Variants in GRM7 observed in about 807,000 individuals in gnomAD.
GRM7 encodes glutamate metabotropic receptor 7, also known as metabotropic glutamate receptor 7.
A neutral mutation model predicts 84.5 loss-of-function variants in GRM7; 35 were observed. That is an observed-to-expected ratio of 0.41 (90% CI 0.32 to 0.55). The LOEUF (loss-of-function observed/expected upper bound fraction) is 0.55. GRM7 is among the 20% of genes least tolerant of loss of function. The pLI is 0.19. For synonymous variants in GRM7, 487 were observed against 455.1 expected, an observed-to-expected ratio of 1.07 and a Z score of -0.89; for missense variants, 1,003 against 1,194.6, an observed-to-expected ratio of 0.84 and a Z score of 2.36.
chr3:7,535,423 C>T (rs1305780124), intron 7 of GRM7: 1 of 152,182 alleles, frequency 6.6e-6, no homozygotes. Flanking sequence ...ATAAAGTAGT[C>T]CTAGGAGCCG....
At chr3:7,618,063 G>T (rs1461256469) in intron 8 of GRM7, among the ~76,000 whole-genome samples, 1 of 152,098 alleles carries the variant, frequency 6.6e-6, no homozygotes, top group East Asian at 1.9e-4. Flanking sequence ...CAGAATTATT[G>T]AAGATAAGAG....
intron 2 of GRM7, among the ~76,000 whole-genome samples, chr3:7,152,135 G>T (rs546725077): frequency 6.6e-6 from 1 of 152,198 alleles, no homozygotes; most frequent in South Asian, 2.1e-4. Context: ...CCTCAAGAAA[G>T]ACTTGCATTT....
At chr3:7,701,571 G>T (rs1044327207) in intron 9 of GRM7, among the ~76,000 whole-genome samples, 1 of 152,018 alleles carries the variant, frequency 6.6e-6, no homozygotes, top group Non-Finnish European at 1.5e-5. Flanking sequence ...CCAAAGTGCG[G>T]GATTACAGGT....
At chr3:7,497,789 G>T (rs1037384951) in intron 7 of GRM7, among the ~76,000 whole-genome samples, 2 of 152,110 alleles carry the variant, frequency 1.3e-5, no homozygotes, top group African/African-American at 4.8e-5. Flanking sequence ...TCTGTAGCCT[G>T]GGCAAAGGTT....
At chr3:6,972,205 A>G (rs1298590957) in intron 1 of GRM7, among the ~76,000 whole-genome samples, 1 of 152,178 alleles carries the variant, frequency 6.6e-6, no homozygotes, top group Non-Finnish European at 1.5e-5. Flanking sequence ...ACGTCAGAAC[A>G]CACAGTGCCA....
chr3:7,132,413 G>A (rs2125054422), intron 1 of GRM7, among the ~76,000 whole-genome samples: 1 of 152,154 alleles, frequency 6.6e-6, no homozygotes, highest in Non-Finnish European at 1.5e-5. Context: ...TATATCTGCA[G>A]TGCCTCAAAT....
At chr3:7,011,439 C>A (rs924552260) in intron 1 of GRM7, among the ~76,000 whole-genome samples, 5 of 152,040 alleles carry the variant, frequency 3.3e-5, no homozygotes, top group African/African-American at 1.2e-4. Context: ...CCACCAAAAG[C>A]CTTAATTTTA....
chr3:7,614,118 AG>A (rs1014673370), intron 8 of GRM7, among the ~76,000 whole-genome samples: 4 of 152,096 alleles, frequency 2.6e-5, no homozygotes, highest in African/African-American at 9.7e-5. Flanking sequence ...TACAAAAATT[AG>A]CCGGGCATGG....
intron 9 of GRM7, among the ~76,000 whole-genome samples, chr3:7,732,679 A>T (rs1283065149): frequency 6.6e-6 from 1 of 152,184 alleles, no homozygotes; most frequent in Non-Finnish European, 1.5e-5. Context: ...TTAGAAAGCT[A>T]AATAATCATA....
chr3:7,233,571 T>G (rs1388746999), intron 2 of GRM7, among the ~76,000 whole-genome samples: 2 of 152,126 alleles, frequency 1.3e-5, no homozygotes, highest in Non-Finnish European at 2.9e-5. Context: ...TAACAGCTAT[T>G]TTGAAAGACT....
chr3:6,892,330 G>A lies in GRM7; in HGVS notation c.519+30423G>A, dbSNP rs1026988350. ...GGTCAGCATCCCGTATCCTGCTCCT[G>A]TTGGGTCAGCGAGGCAGGCCTGCAC... On this transcript the variant is annotated intron_variant, in intron 1 of 9. Transcript: ENST00000357716. Among the ~76,000 whole-genome samples, 4 of 151,992 alleles carry A rather than the reference G, an allele frequency of 2.6e-5. No homozygotes were observed. In the East Asian group the frequency reaches 5.8e-4, roughly 22 times the overall value.
At chr3:7,612,417 C>T (rs1461875588) in intron 8 of GRM7, among the ~76,000 whole-genome samples, 2 of 152,172 alleles carry the variant, frequency 1.3e-5, no homozygotes, top group Non-Finnish European at 2.9e-5. Context: ...AGATGAGTCC[C>T]TGCCTTTGAG....
At chr3:6,888,697 A>G (rs1309890692) in intron 1 of GRM7, among the ~76,000 whole-genome samples, 14 of 152,042 alleles carry the variant, frequency 9.2e-5, no homozygotes, top group Admixed American at 1.3e-4. Flanking sequence ...TTGGCTTAGG[A>G]TTGACTTGGC....
chr3:7,180,117 C>T (rs1695288192), intron 2 of GRM7, among the ~76,000 whole-genome samples: 1 of 152,164 alleles, frequency 6.6e-6, no homozygotes, highest in South Asian at 2.1e-4. Flanking sequence ...GATATAGAAA[C>T]AGTGCAAATA....
chr3:7,645,933 G>A (rs1698616916), intron 8 of GRM7, among the ~76,000 whole-genome samples: 1 of 151,324 alleles, frequency 6.6e-6, no homozygotes, highest in South Asian at 2.1e-4. Flanking sequence ...ATTACTTGGG[G>A]AGCGTCTGTT....
At chr3:7,218,087 T>C (rs1696675203) in intron 2 of GRM7, among the ~76,000 whole-genome samples, 3 of 152,280 alleles carry the variant, frequency 2.0e-5, no homozygotes, top group East Asian at 1.9e-4. Context: ...GACTGGGATA[T>C]GACTAACAGT....
rs146035435 is a variant in GRM7, at chr3:7,458,774, G to A, written c.1376-2809G>A. Among the ~76,000 whole-genome samples the A allele has an allele frequency of 3.3e-3, 501 of 152,180 alleles. 6 individuals are homozygous for A. The highest frequency in any genetic ancestry group is 0.022 in the South Asian group (105 of 4,820). Reference sequence around the variant, plus strand: ...AAAGACTATGAAAATCTCAAATCATGTTGTTTAATGAATAGAAGCTATAGA... The same window carrying A: ...AAAGACTATGAAAATCTCAAATCATATTGTTTAATGAATAGAAGCTATAGA... On this transcript the variant is annotated intron_variant, in intron 6 of 9. Transcript: ENST00000357716.
At chr3:7,322,065 A>G (rs779139290) in intron 4 of GRM7, among the ~76,000 whole-genome samples, 5 of 152,148 alleles carry the variant, frequency 3.3e-5, no homozygotes, top group African/African-American at 1.2e-4. Context: ...TGGGTAAAAA[A>G]TAAAAATGGA....
chr3:7,359,837 C>T (rs1428421424), intron 4 of GRM7, among the ~76,000 whole-genome samples: 1 of 148,240 alleles, frequency 6.7e-6, no homozygotes, highest in East Asian at 1.9e-4. Context: ...GTGCTTACAC[C>T]GACAATTCTT....
Sources: gnomAD v4.1 joint callset for allele counts (sites outside exome capture counted in the v4.1 genomes callset) on GRCh38, gnomAD v4.1.1 for gene constraint, MANE v1.5 for transcripts, NCBI Gene and HGNC (gene_info 2026-07-23, HGNC 2026-07-21) for gene names.